The following FGD4 variants were observed in gnomAD, a reference collection of about 807,000 sequenced individuals.
The protein encoded by FGD4 is FYVE, RhoGEF and PH domain-containing protein 4.
FGD4 carries 42 observed loss-of-function variants against 102.0 expected under a neutral mutation model. The observed-to-expected ratio is 0.41, with a 90% CI of 0.32 to 0.53. The LOEUF is 0.53. Among genes scored for constraint, FGD4 ranks in the 20% least tolerant of loss-of-function variants. The pLI is 0.21. For synonymous variants in FGD4, 380 were observed against 375.7 expected, an observed-to-expected ratio of 1.01 and a Z score of -0.13; for missense variants, 902 against 1,078.2, an observed-to-expected ratio of 0.84 and a Z score of 2.29.
intron 7 of FGD4, among the ~76,000 whole-genome samples, chr12:32,607,346 A>G (rs1948843477): frequency 2.6e-5 from 4 of 152,132 alleles, no homozygotes. Flanking sequence ...TGGGAGGACT[A>G]CTTGGGCCCA....
intron 1 of FGD4, among the ~76,000 whole-genome samples, chr12:32,449,886 G>GT (rs1318083462): frequency 6.6e-6 from 1 of 151,886 alleles, no homozygotes; most frequent in Non-Finnish European, 1.5e-5. Flanking sequence ...CCACAGGCAT[G>GT]TACCACTATG....
Position 32,408,879 on chromosome 12 carries a change from ACTTT to A in FGD4, c.166+8924_166+8927del, listed in dbSNP as rs1941073305. Among the ~76,000 whole-genome samples, 3 of 152,144 alleles carry A rather than the reference ACTTT, an allele frequency of 2.0e-5. No individual in the cohort carries two copies. In the East Asian group the frequency reaches 5.8e-4, roughly 29 times the overall value. ...ATTTTCCTACCTCATTGGTTCTTCA[ACTTT>A]CTTCCTCTGGCTTTGCCATTTTCTC... On this transcript the variant is annotated intron_variant, in intron 1 of 16. Coordinates refer to ENST00000534526, the MANE Select transcript of FGD4 (RefSeq NM_001370298.3).
intron 1 of FGD4, among the ~76,000 whole-genome samples, chr12:32,523,284 AGT>A (rs1422729371): frequency 8.5e-5 from 13 of 152,206 alleles, no homozygotes; most frequent in Non-Finnish European, 1.8e-4. Context: ...AGTTTTTGAA[AGT>A]GTGGTAAAAT....
intron 1 of FGD4, among the ~76,000 whole-genome samples, chr12:32,435,833 A>G (rs1439625691): frequency 2.0e-5 from 3 of 152,178 alleles, no homozygotes; most frequent in Non-Finnish European, 4.4e-5. Context: ...ATTCATTCAA[A>G]TAAAAAGATC....
At chr12:32,524,167 C>T (rs914811361) in intron 1 of FGD4, among the ~76,000 whole-genome samples, 44 of 150,468 alleles carry the variant, frequency 2.9e-4, no homozygotes, top group Admixed American at 6.6e-4. Flanking sequence ...GAGGCCGAGG[C>T]GGGCGAATCA....
intron 1 of FGD4, among the ~76,000 whole-genome samples, chr12:32,535,325 T>C (rs1397915682): frequency 6.6e-6 from 1 of 152,202 alleles, no homozygotes; most frequent in Non-Finnish European, 1.5e-5. Flanking sequence ...CCAGTATTCT[T>C]TCTGATGGTG....
At chr12:32,522,580 G>A (rs896857493) in intron 1 of FGD4, among the ~76,000 whole-genome samples, 4 of 152,162 alleles carry the variant, frequency 2.6e-5, no homozygotes, top group Admixed American at 2.0e-4. Context: ...CAGAACTAAC[G>A]TTTTATTTTC....
intron 1 of FGD4, among the ~76,000 whole-genome samples, chr12:32,543,825 C>T (rs985831150): frequency 6.6e-6 from 1 of 152,036 alleles, no homozygotes; most frequent in East Asian, 1.9e-4. Flanking sequence ...GACGGGGTTT[C>T]ACCATCTTAG....
In FGD4 at chr12:32,640,630, A is replaced by G; in HGVS notation, c.*97A>G. 1 of 1,545,550 alleles carries G rather than the reference A, an allele frequency of 6.5e-7. No individual in the cohort carries two copies. The highest frequency in any genetic ancestry group is 8.9e-7 in the Non-Finnish European group (1 of 1,127,524). ...ACATCTGCTAGCACTTTATGTTGAA[A>G]AATATAGGCCCATAAATGCATCTTT... On this transcript the variant is annotated 3_prime_UTR_variant, in exon 17 of 17. Transcript: ENST00000534526.
chr12:32,400,048 C>T (rs1265704643), intron 1 of FGD4, 89 bp downstream of exon 1: 8 of 1,390,120 alleles, frequency 5.8e-6, no homozygotes, highest in East Asian at 2.9e-5. Flanking sequence ...TGCGCCCTCT[C>T]GTCCCCCGCT....
chr12:32,569,594 C>G (rs1284992326), intron 2 of FGD4, among the ~76,000 whole-genome samples: 1 of 152,166 alleles, frequency 6.6e-6, no homozygotes, highest in African/African-American at 2.4e-5. Context: ...AATCTGCCCT[C>G]CCTTTGACTT....
intron 1 of FGD4, among the ~76,000 whole-genome samples, chr12:32,419,128 T>G (rs1941535580): frequency 6.6e-6 from 1 of 152,190 alleles, no homozygotes. Flanking sequence ...CCAGAAATGC[T>G]GACCAAGAGC....
At chr12:32,502,375 AC>A in intron 1 of FGD4, 1 of 981,858 alleles carries the variant, frequency 1.0e-6, no homozygotes, top group Non-Finnish European at 1.2e-6. Context: ...AGTTTGTAGT[AC>A]GTTTGTGTGG....
intron 1 of FGD4, among the ~76,000 whole-genome samples, chr12:32,466,476 A>G (rs1425581133): frequency 6.6e-6 from 1 of 152,066 alleles, no homozygotes; most frequent in South Asian, 2.1e-4. Flanking sequence ...CCTTTAACTG[A>G]TTGGATGAGG....
chr12:32,617,520 C>T (rs537081102), intron 10 of FGD4, among the ~76,000 whole-genome samples: 22 of 152,282 alleles, frequency 1.4e-4, no homozygotes, highest in Non-Finnish European at 1.3e-4. Flanking sequence ...AAGAAAGACC[C>T]TCCCTGTGTT....
intron 2 of FGD4, among the ~76,000 whole-genome samples, chr12:32,565,786 A>G (rs1039699944): frequency 2.6e-5 from 4 of 152,240 alleles, no homozygotes; most frequent in African/African-American, 9.6e-5. Context: ...ATTTAAATAC[A>G]TATTTACTTC....
At position 32,620,693 on chromosome 12, in the gene FGD4, A is replaced by ATTTTTT. The variant is rs1208809588; in HGVS notation, c.1922+840_1922+845dup. Among the ~76,000 whole-genome samples, 939 of 97,046 alleles carry ATTTTTT rather than the reference A, an allele frequency of 9.7e-3. 51 individuals are homozygous for ATTTTTT. Among genetic ancestry groups the ATTTTTT allele is most frequent in the African/African-American group, 0.038 (829 of 21,570 alleles). The allele number at this position is 97,046 out of a possible 152,430, so 63.7% of individuals were successfully genotyped here. On this transcript the variant is annotated intron_variant, in intron 11 of 16. Coordinates refer to ENST00000534526, the MANE Select transcript of FGD4 (RefSeq NM_001370298.3). ...AGGCGCCTGCCACCACACCTGGCTA[A>ATTTTTT]TTTTTTTTTTTTTTTTTTTTTTGAG...
At chr12:32,411,464 G>GCAGC (rs1336779360) in intron 1 of FGD4, among the ~76,000 whole-genome samples, 1 of 151,920 alleles carries the variant, frequency 6.6e-6, no homozygotes, top group Non-Finnish European at 1.5e-5. Flanking sequence ...AACCCGAGAG[G>GCAGC]CAGAGGTTGC....
At chr12:32,415,415 T>TC (rs1941369426) in intron 1 of FGD4, among the ~76,000 whole-genome samples, 1 of 30,060 alleles carries the variant, frequency 3.3e-5, no homozygotes, top group Non-Finnish European at 5.6e-5. Context: ...TCTGTCTCTC[T>TC]TTTTTTTTTT....
Sources: allele counts gnomAD v4.1 joint callset (sites outside exome capture counted in the v4.1 genomes callset), GRCh38; gene constraint gnomAD v4.1.1; transcripts MANE v1.5; gene names NCBI Gene and HGNC (gene_info 2026-07-23, HGNC 2026-07-21).